ANP32E: variants seen among roughly 807,000 people sequenced by gnomAD.
ANP32E encodes acidic leucine-rich nuclear phosphoprotein 32 family member E.
In ANP32E, 14 loss-of-function variants were observed where a neutral mutation model predicts 35.3. That is an observed-to-expected ratio of 0.40 (90% CI 0.26 to 0.62). The LOEUF (loss-of-function observed/expected upper bound fraction) is 0.62. Ranked by LOEUF, ANP32E falls within the 20% of genes least tolerant of loss-of-function variation. ANP32E has a pLI of 0.45. For missense variants in ANP32E, 198 were observed against 304.4 expected, an observed-to-expected ratio of 0.65 and a Z score of 2.60; for synonymous variants, 89 against 110.4, an observed-to-expected ratio of 0.81 and a Z score of 1.22.
At chr1:150,222,373 C>T (rs893617066) in intron 6 of ANP32E, among the ~76,000 whole-genome samples, 3 of 150,910 alleles carry the variant, frequency 2.0e-5, no homozygotes, top group Non-Finnish European at 3.0e-5. Context: ...GAACTGAGAT[C>T]GGGCCACTGT....
chr1:150,223,119 A>C, intron 6 of ANP32E, 67 bp downstream of exon 6: 1 of 1,434,910 alleles, frequency 7.0e-7, no homozygotes, highest in South Asian at 1.3e-5. Context: ...TGAAATACAA[A>C]TAAATAAAGT....
intron 5 of ANP32E, among the ~76,000 whole-genome samples, chr1:150,223,839 G>A (rs1553838997): frequency 1.3e-5 from 2 of 150,616 alleles, no homozygotes; most frequent in Non-Finnish European, 3.0e-5. Flanking sequence ...TCCGCCTCCC[G>A]GGTTCAAGCG....
At chr1:150,225,409 C>T (rs1648780373) in intron 5 of ANP32E, among the ~76,000 whole-genome samples, 2 of 152,054 alleles carry the variant, frequency 1.3e-5, no homozygotes, top group Admixed American at 1.3e-4. Context: ...GTGGCTCACA[C>T]CTGTAATCCC....
chr1:150,226,890 T>C, intron 4 of ANP32E, 95 bp from the exon 5 acceptor site: 2 of 1,452,146 alleles, frequency 1.4e-6, no homozygotes, highest in East Asian at 2.5e-5. Flanking sequence ...ACTTCAAACT[T>C]GTAAGCCAAT....
intron 3 of ANP32E, among the ~76,000 whole-genome samples, 195 bp downstream of exon 3, chr1:150,230,376 A>T (rs1238263045): frequency 6.6e-6 from 1 of 152,226 alleles, no homozygotes; most frequent in Non-Finnish European, 1.5e-5. Context: ...AGTTGATGAT[A>T]AAATAAATTT....
At chr1:150,226,867 C>G in intron 4 of ANP32E, 72 bp from the exon 5 acceptor site, 4 of 1,512,012 alleles carry the variant, frequency 2.6e-6, no homozygotes, top group Non-Finnish European at 2.6e-6. Context: ...ATGCTTTTTA[C>G]CCTTGCCCAA....
chr1:150,234,204 G>A (rs900924094), intron 1 of ANP32E, among the ~76,000 whole-genome samples: 4 of 151,990 alleles, frequency 2.6e-5, no homozygotes, highest in East Asian at 3.8e-4. Flanking sequence ...CCTGGCGGGG[G>A]AGGCGGGGGC....
intron 1 of ANP32E, among the ~76,000 whole-genome samples, chr1:150,232,489 T>TG (rs1477799667): frequency 0.76 from 95,521 of 125,236 alleles, 37,334 homozygotes; most frequent in East Asian, 0.95. Context: ...TTTTTTTTTG[T>TG]AGATGGAGTC....
chr1:150,229,794 A>C (rs902315625), intron 3 of ANP32E, among the ~76,000 whole-genome samples: 2 of 152,112 alleles, frequency 1.3e-5, no homozygotes, highest in Admixed American at 6.6e-5. Flanking sequence ...TTGTATTTTT[A>C]GTAGAGACGG....
In ANP32E at chr1:150,220,745, T is replaced by C; in HGVS notation, c.753A>G (p.Arg251=). 1 of 1,613,844 alleles carries C rather than the reference T, an allele frequency of 6.2e-7. No homozygotes were observed. Among genetic ancestry groups the C allele is most frequent in the Non-Finnish European group, 8.5e-7 (1 of 1,179,836 alleles). The change falls in exon 7 of 7, where the codon CGA becomes CGG. Residue 251 remains arginine (R), a synonymous_variant. Coordinates refer to ENST00000583931, the MANE Select transcript of ANP32E (RefSeq NM_030920.5). The part of the protein sequence containing the change: ...EEEEEEEGGL[R]GEKRKRDAED... ...CAGCATCTCGTTTCCTCTTCTCCCC[T>C]CGAAGACCTCCTTCTTCTTAAAGAG...
chr1:150,220,794 T>C (rs1553837509), intron 6 of ANP32E, 33 bp from the exon 7 acceptor site: 1 of 1,564,568 alleles, frequency 6.4e-7, no homozygotes, highest in African/African-American at 1.4e-5. Context: ...GCAAAGTGCT[T>C]AATTTTAACA....
At chr1:150,228,314 T>C (rs1359941155) in intron 4 of ANP32E, among the ~76,000 whole-genome samples, 1 of 152,144 alleles carries the variant, frequency 6.6e-6, no homozygotes, top group Non-Finnish European at 1.5e-5. Flanking sequence ...TTTTCAAGGT[T>C]CATTCATGTG....
At chr1:150,230,877 G>T (rs1036027514) in intron 2 of ANP32E, among the ~76,000 whole-genome samples, 184 bp from the exon 3 acceptor site, 1 of 151,884 alleles carries the variant, frequency 6.6e-6, no homozygotes, top group Non-Finnish European at 1.5e-5. Context: ...CAAGTAGCTG[G>T]GATTACAGGT....
In ANP32E at chr1:150,220,563, A is replaced by C. The variant is rs1553837345; in HGVS notation, c.*128T>G. 1 of 892,318 alleles carries C rather than the reference A, an allele frequency of 1.1e-6. No homozygotes were observed. Among genetic ancestry groups the C allele is most frequent in the African/African-American group, 1.7e-5 (1 of 59,308 alleles). 55.3% of individuals were successfully genotyped at this position (892,318 alleles called of 1,614,324 possible). A position where few individuals can be genotyped will look rare whatever the true frequency, so the allele number is the denominator to read the frequency against. ...TGGAATGATAAGGCAAAAATAGTAA[A>C]ACCACACTTTTCCTATAAAAAGTTA... is the stretch of plus-strand genomic sequence containing the variant. On this transcript the variant is annotated 3_prime_UTR_variant, in exon 7 of 7. Coordinates refer to ENST00000583931, the MANE Select transcript of ANP32E (RefSeq NM_030920.5).
chr1:150,235,339 C>A lies in ANP32E; in HGVS notation c.54+394G>T, dbSNP rs1171215115. On this transcript the variant is annotated intron_variant, in intron 1 of 6. Transcript: ENST00000583931. This position sits in a 1 kb window ranked among gnomAD's most constrained non-coding sequence, Gnocchi z 4.2. ...AGAAAAGTTGGACTAACTTCTCAGGCGCCTATGGCTGCGGCAGGGGCTGAG... is the reference window on the plus strand; with the variant it reads ...AGAAAAGTTGGACTAACTTCTCAGGAGCCTATGGCTGCGGCAGGGGCTGAG... 6.6e-6 allele frequency among the ~76,000 whole-genome samples: 1 copy of A among 152,244 alleles called. No homozygotes were observed. The highest frequency in any genetic ancestry group is 1.5e-5 in the Non-Finnish European group (1 of 68,044).
At chr1:150,223,683 A>AAT (rs1648623801) in intron 5 of ANP32E, among the ~76,000 whole-genome samples, 2 of 93,650 alleles carry the variant, frequency 2.1e-5, no homozygotes, top group Non-Finnish European at 4.4e-5. Context: ...CTTCATCTCA[A>AAT]AAAAAAAAAA....
chr1:150,223,368 T>TA, intron 5 of ANP32E, 128 bp from the exon 6 acceptor site: 1 of 1,277,554 alleles, frequency 7.8e-7, no homozygotes, highest in Non-Finnish European at 1.1e-6. Flanking sequence ...CTGCCATTCT[T>TA]ATAAAGGTCC....
intron 3 of ANP32E, 128 bp downstream of exon 3, chr1:150,230,443 A>T: frequency 1.3e-6 from 1 of 776,746 alleles, no homozygotes; most frequent in Admixed American, 3.3e-5. Flanking sequence ...AAAAGCAGTA[A>T]CTGCCTAGAT....
intron 5 of ANP32E, among the ~76,000 whole-genome samples, chr1:150,225,266 T>A (rs1553839480): frequency 6.6e-6 from 1 of 152,114 alleles, no homozygotes; most frequent in African/African-American, 2.4e-5. Flanking sequence ...AACAAAAAGT[T>A]CATCAGAGGC....
Sources: allele counts gnomAD v4.1 joint callset (sites outside exome capture counted in the v4.1 genomes callset), GRCh38; gene constraint gnomAD v4.1.1; non-coding constraint Gnocchi (gnomAD v3.1); transcripts MANE v1.5; gene names NCBI Gene and HGNC (gene_info 2026-07-23, HGNC 2026-07-21).